MECOM: variants seen among roughly 807,000 people sequenced by gnomAD.
MECOM encodes histone-lysine N-methyltransferase MECOM.
MECOM carries 13 observed loss-of-function variants against 116.3 expected under a neutral mutation model. The observed-to-expected ratio is 0.11, with a 90% CI of 0.07 to 0.18. MECOM has a LOEUF of 0.18. Ranked by LOEUF, MECOM falls within the 10% of genes least tolerant of loss-of-function variation. The pLI, the probability that MECOM is intolerant of heterozygous loss-of-function variation, is 1.00. For missense variants in MECOM, 1,299 were observed against 1,509.0 expected (o/e 0.86, Z 2.31); for synonymous variants, 528 against 535.2 (o/e 0.99, Z 0.19).
At chr3:169,133,261 G>T (rs1192711552) in intron 3 of MECOM, 1 of 152,064 alleles carries the variant, frequency 6.6e-6, no homozygotes, top group Non-Finnish European at 1.5e-5. Flanking sequence ...AGCTGCATAA[G>T]TTGATGTCTT....
At chr3:169,344,287 T>C (rs1207003377) in intron 2 of MECOM, among the ~76,000 whole-genome samples, 1 of 152,130 alleles carries the variant, frequency 6.6e-6, no homozygotes, top group Non-Finnish European at 1.5e-5. Context: ...GAAGTTGTAA[T>C]ATAGTGAGGG....
intron 2 of MECOM, among the ~76,000 whole-genome samples, chr3:169,192,893 G>T (rs959945161): frequency 2.0e-5 from 3 of 151,924 alleles, no homozygotes; most frequent in African/African-American, 7.2e-5. Context: ...TTTTATCATT[G>T]GAGCTTGTTG....
chr3:169,513,013 T>C (rs1184904376), intron 1 of MECOM, among the ~76,000 whole-genome samples: 1 of 152,216 alleles, frequency 6.6e-6, no homozygotes, highest in Non-Finnish European at 1.5e-5. Flanking sequence ...TATCAACTAT[T>C]CTAATTTGTT....
rs551737811 is a variant in MECOM at position 169,395,379 on chromosome 3, C to G, written c.38-13855G>C. ...TTCTCCTTCTCTAAATTGGGAAGTT[C>G]TAACATAAATGTTCAAAAGGCATTA... On this transcript the variant is annotated intron_variant, in intron 1 of 16. Transcript: ENST00000651503. Among the ~76,000 whole-genome samples the G allele has an allele frequency of 3.9e-5, 6 of 152,284 alleles. No homozygotes were observed. In the South Asian group the frequency reaches 1.2e-3, roughly 32 times the overall value.
intron 1 of MECOM, among the ~76,000 whole-genome samples, chr3:169,615,627 T>C (rs1769903547): frequency 6.6e-6 from 1 of 152,192 alleles, no homozygotes; most frequent in Non-Finnish European, 1.5e-5. Flanking sequence ...CATAATCCAA[T>C]TATTTCTAGA....
rs545947689 is a variant in MECOM, at chr3:169,216,701, G to A, written c.376-72869C>T. On this transcript the variant is annotated intron_variant, in intron 2 of 16. Transcript: ENST00000651503. ...CTTTACAATATTGGGGGAAAGCCTT[G>A]TGAAATTTCACAATATATTGTTAAG... Among the ~76,000 whole-genome samples the A allele has an allele frequency of 3.9e-5, 6 of 151,994 alleles. No individual in the cohort carries two copies. The South Asian group carries it at 1.2e-3, about 32-fold the overall frequency.
chr3:169,089,008 T>C lies in MECOM; in HGVS notation c.3577A>G (p.Lys1193Glu), dbSNP rs960473204. The change falls in exon 16 of 17, where the codon AAA (lysine) becomes GAA (glutamate). Residue 1193 changes from lysine to glutamate, a missense_variant. By Grantham distance (56) the Lys-to-Glu change is moderately conservative (BLOSUM62 1). Transcript: ENST00000651503. ...TATGGGAAAATCTGTACCTGCGATT[T>C]GGACTTTCTGTGTAACGGCTGCTTA... ...ELKQPLHRKS[K>E]SQAYAMMLSL... 1 of 1,593,518 alleles carries C rather than the reference T, an allele frequency of 6.3e-7. No homozygotes were observed. The highest frequency in any genetic ancestry group is 8.5e-7 in the Non-Finnish European group (1 of 1,172,156).
chr3:169,453,619 C>T (rs1745975927), intron 1 of MECOM, among the ~76,000 whole-genome samples: 1 of 152,180 alleles, frequency 6.6e-6, no homozygotes, highest in East Asian at 1.9e-4. Flanking sequence ...CTGGCCTATT[C>T]TGCATAAACA....
intron 1 of MECOM, among the ~76,000 whole-genome samples, chr3:169,441,745 AAAAAAGG>A (rs1560279159): frequency 0.023 from 2,391 of 104,246 alleles, 354 homozygotes; most frequent in East Asian, 0.038. Flanking sequence ...TTTTTTTTTT[AAAAAAGG>A]GGGGGTCTTG....
intron 2 of MECOM, among the ~76,000 whole-genome samples, chr3:169,173,897 C>T (rs781044595): frequency 5.3e-5 from 8 of 152,204 alleles, no homozygotes; most frequent in Non-Finnish European, 1.0e-4. Context: ...CACATTCATG[C>T]TCTGTTACTT....
chr3:169,293,443 T>C (rs1475327742), intron 2 of MECOM, among the ~76,000 whole-genome samples: 3 of 152,238 alleles, frequency 2.0e-5, no homozygotes, highest in Non-Finnish European at 4.4e-5. Context: ...GTTGGTTTCT[T>C]CTTCGGCCGC....
At chr3:169,280,673 C>T (rs1377413152) in intron 2 of MECOM, among the ~76,000 whole-genome samples, 3 of 152,144 alleles carry the variant, frequency 2.0e-5, no homozygotes, top group African/African-American at 7.2e-5. Flanking sequence ...TGTGAAGTCC[C>T]TAATATGCTG....
intron 2 of MECOM, among the ~76,000 whole-genome samples, chr3:169,161,508 C>T (rs1742844143): frequency 1.3e-5 from 2 of 151,968 alleles, no homozygotes; most frequent in Non-Finnish European, 2.9e-5. Flanking sequence ...AAATACTGGT[C>T]ACAGATTAAA....
Position 169,454,307 on chromosome 3 carries a change from T to C in MECOM, c.38-72783A>G, listed in dbSNP as rs374449817. Among the ~76,000 whole-genome samples, 20 of 150,800 alleles carry C rather than the reference T, an allele frequency of 1.3e-4. No homozygotes were observed. In the East Asian group the frequency reaches 3.7e-3, roughly 28 times the overall value. ...TAATGGTTTTGCTGGGAACTTTTAT[T>C]AAGGTTTGGAGGATTTTTTTCTTTT... On this transcript the variant is annotated intron_variant, in intron 1 of 16. Coordinates refer to ENST00000651503, the MANE Select transcript of MECOM (RefSeq NM_004991.4).
chr3:169,309,777 G>A (rs569463689), intron 2 of MECOM, among the ~76,000 whole-genome samples: 2 of 146,642 alleles, frequency 1.4e-5, no homozygotes, highest in South Asian at 4.2e-4. Flanking sequence ...CTTGCTTCCC[G>A]TTGTGCTACC....
At position 169,244,018 on chromosome 3, in the gene MECOM, G is replaced by C. The variant is rs537247563; in HGVS notation, c.376-100186C>G. Among the ~76,000 whole-genome samples the C allele has an allele frequency of 3.9e-5, 6 of 152,278 alleles. No homozygotes were observed. The South Asian group carries it at 8.3e-4, about 21-fold the overall frequency. ...TGCAAACCTGCCTTCATTATGATGT[G>C]GGATATTTCAGTCCCAGCAGGTGGC... On this transcript the variant is annotated intron_variant, in intron 2 of 16. Coordinates refer to ENST00000651503, the MANE Select transcript of MECOM (RefSeq NM_004991.4).
At position 169,638,734 on chromosome 3, in the gene MECOM, C is replaced by T. The variant is rs139304987; in HGVS notation, c.37+24602G>A. On this transcript the variant is annotated intron_variant, in intron 1 of 16. Transcript: ENST00000651503. ...CCCCAATATTCACTCCATTTATCTC[C>T]CTTTTGTGCTGCGTGGGTGGGATTA... 3.7e-4 allele frequency among the ~76,000 whole-genome samples: 56 copies of T among 152,258 alleles called. No individual in the cohort carries two copies. The Middle Eastern group carries it at 0.014, about 37-fold the overall frequency.
intron 2 of MECOM, among the ~76,000 whole-genome samples, chr3:169,240,710 A>G (rs750060623): frequency 2.0e-5 from 3 of 152,150 alleles, no homozygotes; most frequent in Non-Finnish European, 4.4e-5. Context: ...TGGGACAACT[A>G]AAAAACAAAT....
At chr3:169,353,675 A>T (rs1726770170) in intron 2 of MECOM, among the ~76,000 whole-genome samples, 1 of 151,904 alleles carries the variant, frequency 6.6e-6, no homozygotes, top group South Asian at 2.1e-4. Flanking sequence ...AAATTAAAAT[A>T]AAATACTATC....
Sources: allele counts gnomAD v4.1 joint callset (sites outside exome capture counted in the v4.1 genomes callset), GRCh38; gene constraint gnomAD v4.1.1; transcripts MANE v1.5; gene names NCBI Gene and HGNC (gene_info 2026-07-23, HGNC 2026-07-21).